Variants in KSR2 observed in about 807,000 individuals in gnomAD.
KSR2 encodes the protein kinase suppressor of ras 2.
A neutral mutation model predicts 107.8 loss-of-function variants in KSR2; 25 were observed. The ratio of observed to expected loss-of-function variants is 0.23; its 90% CI spans 0.17 to 0.32. The LOEUF is 0.32. Among genes scored for constraint, KSR2 ranks in the 10% least tolerant of loss-of-function variants. The pLI, the probability that KSR2 is intolerant of heterozygous loss-of-function variation, is 1.00. For missense variants in KSR2, 887 were observed against 1,268.9 expected, an observed-to-expected ratio of 0.70 and a Z score of 4.57; for synonymous variants, 480 against 507.0, an observed-to-expected ratio of 0.95 and a Z score of 0.71.
At chr12:117,688,875 G>A (rs765099414) in intron 4 of KSR2, among the ~76,000 whole-genome samples, 4 of 152,074 alleles carry the variant, frequency 2.6e-5, no homozygotes, top group Non-Finnish European at 4.4e-5. Flanking sequence ...CTAGACACCC[G>A]GTCACAACTC....
At chr12:117,557,481 G>C (rs1349495420) in intron 8 of KSR2, among the ~76,000 whole-genome samples, 1 of 152,170 alleles carries the variant, frequency 6.6e-6, no homozygotes, top group African/African-American at 2.4e-5. Context: ...TCATTCAGTA[G>C]GTCTGAGGTG....
chr12:117,691,029 A>T (rs1238374421), intron 4 of KSR2, among the ~76,000 whole-genome samples: 1 of 152,220 alleles, frequency 6.6e-6, no homozygotes, highest in Non-Finnish European at 1.5e-5. Flanking sequence ...TGTAGAAGAG[A>T]ATCGGCAAAC....
At chr12:117,566,587 T>C (rs532913626) in intron 7 of KSR2, among the ~76,000 whole-genome samples, 2 of 152,322 alleles carry the variant, frequency 1.3e-5, no homozygotes, top group South Asian at 2.1e-4. Flanking sequence ...TATGGCTGCA[T>C]AGTATTCCAT....
intron 1 of KSR2, among the ~76,000 whole-genome samples, chr12:117,945,812 T>C (rs959550104): frequency 1.3e-5 from 2 of 152,180 alleles, no homozygotes; most frequent in Non-Finnish European, 2.9e-5. Flanking sequence ...TAAGCTTTGA[T>C]TGGCATATCA....
intron 1 of KSR2, among the ~76,000 whole-genome samples, chr12:117,936,556 A>G (rs1276458680): frequency 6.6e-6 from 1 of 151,072 alleles, no homozygotes; most frequent in Non-Finnish European, 1.5e-5. Context: ...TAGTAGTAGT[A>G]GTAGTAGTAG....
At chr12:117,643,658 G>A (rs959752872) in intron 5 of KSR2, among the ~76,000 whole-genome samples, 1 of 152,258 alleles carries the variant, frequency 6.6e-6, no homozygotes. Flanking sequence ...ATCATCACCA[G>A]GTCCTAACCC....
chr12:117,593,424 T>C (rs1250938517), intron 5 of KSR2, among the ~76,000 whole-genome samples: 1 of 152,214 alleles, frequency 6.6e-6, no homozygotes, highest in Non-Finnish European at 1.5e-5. Flanking sequence ...GACCACAGCC[T>C]GGAATCTGCA....
chr12:117,549,364 C>T (rs576070944), intron 9 of KSR2, among the ~76,000 whole-genome samples: 3 of 152,242 alleles, frequency 2.0e-5, no homozygotes, highest in African/African-American at 7.2e-5. Flanking sequence ...CCAAGCCTTG[C>T]TCTTTGAACT....
In KSR2 at chr12:117,653,662, G is replaced by C. The variant is rs193088410; in HGVS notation, c.1171+13812C>G. Among the ~76,000 whole-genome samples, 711 of 152,338 alleles carry C rather than the reference G, an allele frequency of 4.7e-3. 4 individuals carry two copies. The highest frequency in any genetic ancestry group is 0.016 in the African/African-American group (656 of 41,584). ...AATTGCTAGGGGTCCAGTGGTGTGG[G>C]ACCTGTCGAGATATTCCTTTTAAGG... On this transcript the variant is annotated intron_variant, in intron 5 of 19. Transcript: ENST00000339824.
intron 4 of KSR2, among the ~76,000 whole-genome samples, chr12:117,692,749 T>C (rs1026904928): frequency 6.6e-5 from 10 of 152,004 alleles, no homozygotes; most frequent in Non-Finnish European, 1.5e-4. Flanking sequence ...TGAGACATGA[T>C]GAATCTTGAA....
intron 3 of KSR2, among the ~76,000 whole-genome samples, chr12:117,784,050 T>C (rs1889975826): frequency 6.6e-6 from 1 of 152,154 alleles, no homozygotes; most frequent in Non-Finnish European, 1.5e-5. Flanking sequence ...TTTTAATAAT[T>C]TTAACTTTTG....
chr12:117,822,247 G>A (rs1372375338), intron 3 of KSR2, among the ~76,000 whole-genome samples: 1 of 152,058 alleles, frequency 6.6e-6, no homozygotes, highest in East Asian at 1.9e-4. Context: ...TGTCTATGGA[G>A]TAGCCATTCT....
chr12:117,548,470 T>C (rs939335077), intron 9 of KSR2, among the ~76,000 whole-genome samples: 3 of 152,242 alleles, frequency 2.0e-5, no homozygotes, highest in Non-Finnish European at 2.9e-5. Flanking sequence ...TTTCTTTAGC[T>C]TACTTTATTG....
intron 3 of KSR2, among the ~76,000 whole-genome samples, chr12:117,832,450 G>T (rs1246344392): frequency 6.6e-6 from 1 of 152,214 alleles, no homozygotes; most frequent in Non-Finnish European, 1.5e-5. Flanking sequence ...AACAAAAGTA[G>T]CAATTGACAT....
At chr12:117,872,063 C>A (rs1893671930) in intron 1 of KSR2, among the ~76,000 whole-genome samples, 1 of 152,176 alleles carries the variant, frequency 6.6e-6, no homozygotes, top group African/African-American at 2.4e-5. Context: ...TAATGTCAGC[C>A]ATCTCATTAA....
At chr12:117,623,539 T>C (rs189174096) in intron 5 of KSR2, among the ~76,000 whole-genome samples, 1 of 152,332 alleles carries the variant, frequency 6.6e-6, no homozygotes, top group East Asian at 1.9e-4. Context: ...TTAATCCATG[T>C]CCCTGCAAAG....
intron 14 of KSR2, among the ~76,000 whole-genome samples, chr12:117,503,597 A>G (rs1873508786): frequency 6.6e-6 from 1 of 152,162 alleles, no homozygotes; most frequent in Non-Finnish European, 1.5e-5. Context: ...GGATTGCCCA[A>G]CCTATAGCCA....
chr12:117,472,292 G>A (rs1871508214), intron 17 of KSR2, among the ~76,000 whole-genome samples: 1 of 152,198 alleles, frequency 6.6e-6, no homozygotes, highest in Middle Eastern at 3.2e-3. Context: ...AATTAATGGA[G>A]AGAGGATTGC....
At chr12:117,914,668 G>A (rs1895124463) in intron 1 of KSR2, among the ~76,000 whole-genome samples, 1 of 152,120 alleles carries the variant, frequency 6.6e-6, no homozygotes, top group Non-Finnish European at 1.5e-5. Flanking sequence ...CCAAGTAGCT[G>A]GGACTACAGG....
Sources: allele counts gnomAD v4.1 joint callset (sites outside exome capture counted in the v4.1 genomes callset), GRCh38; gene constraint gnomAD v4.1.1; transcripts MANE v1.5; gene names NCBI Gene and HGNC (gene_info 2026-07-23, HGNC 2026-07-21).